The following ACOXL variants were observed in gnomAD, a reference collection of about 807,000 sequenced individuals.
ACOXL encodes acyl-coenzyme A oxidase-like protein.
Under a neutral mutation model 71.9 loss-of-function variants are expected in ACOXL, and 70 were observed. The observed-to-expected ratio is 0.97, with a 90% CI of 0.80 to 1.19. ACOXL has a LOEUF of 1.19. Among genes scored for constraint, ACOXL ranks in the 50% most tolerant of loss-of-function variants. The probability of loss-of-function intolerance (pLI) is 0.00; values close to 1 mark genes in which losing one functional copy is unlikely to be tolerated. For synonymous variants in ACOXL, 253 were observed against 281.6 expected (o/e 0.90, Z 1.02); for missense variants, 703 against 736.3 (o/e 0.95, Z 0.52).
At chr2:110,823,737 T>C (rs1688880017) in intron 9 of ACOXL, among the ~76,000 whole-genome samples, 1 of 152,262 alleles carries the variant, frequency 6.6e-6, no homozygotes, top group Non-Finnish European at 1.5e-5. Context: ...CATCATTTCA[T>C]GTGCATGTTT....
At chr2:110,814,829 CAG>C (rs1179470650) in intron 9 of ACOXL, among the ~76,000 whole-genome samples, 1 of 152,172 alleles carries the variant, frequency 6.6e-6, no homozygotes, top group Non-Finnish European at 1.5e-5. Context: ...ATAAATTACT[CAG>C]AATTGTATCA....
intron 10 of ACOXL, among the ~76,000 whole-genome samples, chr2:110,864,719 G>A (rs971192587): frequency 6.6e-6 from 1 of 152,176 alleles, no homozygotes; most frequent in African/African-American, 2.4e-5. Context: ...GTGTTTTTGG[G>A]GCTCTGTCGA....
intron 9 of ACOXL, among the ~76,000 whole-genome samples, chr2:110,818,393 CAAA>C (rs11314019): frequency 1.9e-5 from 1 of 52,342 alleles, no homozygotes; most frequent in Admixed American, 2.6e-4. Context: ...GACTCTGTCT[CAAA>C]AAAAAAAAAA....
At position 111,014,888 on chromosome 2, in the gene ACOXL, G is replaced by A. The variant is rs2064354029; in HGVS notation, c.1282-16739G>A. ...CAATGATGAAAAGAATTTTTTAATA[G>A]TGCAGGAAACATCTAGATATCTGAA... On this transcript the variant is annotated intron_variant, in intron 14 of 17. Transcript: ENST00000439055. Among the ~76,000 whole-genome samples, 2 of 152,286 alleles carry A rather than the reference G, an allele frequency of 1.3e-5. 1 individual carries two copies. Among genetic ancestry groups the A allele is most frequent in the Admixed American group, 1.3e-4 (2 of 15,292 alleles).
At chr2:111,070,906 C>T (rs761933248) in intron 16 of ACOXL, among the ~76,000 whole-genome samples, 6 of 152,078 alleles carry the variant, frequency 3.9e-5, no homozygotes, top group Non-Finnish European at 8.8e-5. Context: ...CATGGCCCAC[C>T]GTTGCCTAAC....
chr2:110,792,476 A>G (rs1397596487), intron 3 of ACOXL, among the ~76,000 whole-genome samples: 1 of 151,956 alleles, frequency 6.6e-6, no homozygotes, highest in Non-Finnish European at 1.5e-5. Context: ...TTTGTCAGCA[A>G]CACTTTTCCA....
intron 13 of ACOXL, among the ~76,000 whole-genome samples, chr2:110,992,656 G>A (rs1372780039): frequency 2.6e-5 from 4 of 152,210 alleles, no homozygotes; most frequent in Non-Finnish European, 5.9e-5. Flanking sequence ...GATGGAGCAT[G>A]GCAGGGAGAG....
intron 3 of ACOXL, among the ~76,000 whole-genome samples, chr2:110,791,306 G>A (rs1359751799): frequency 2.0e-5 from 3 of 152,190 alleles, no homozygotes; most frequent in African/African-American, 7.2e-5. Flanking sequence ...TAGTGAATGG[G>A]GGCTTTCAAA....
chr2:110,807,471 G>A (rs765088466), intron 9 of ACOXL, among the ~76,000 whole-genome samples: 10 of 152,332 alleles, frequency 6.6e-5, no homozygotes, highest in Admixed American at 2.6e-4. Flanking sequence ...CAAATGCTGG[G>A]TACCCTCGCC....
At chr2:111,007,512 C>T (rs973573283) in intron 14 of ACOXL, among the ~76,000 whole-genome samples, 3 of 152,138 alleles carry the variant, frequency 2.0e-5, no homozygotes, top group Non-Finnish European at 4.4e-5. Context: ...TATTTATTTT[C>T]TTGCCAATTG....
chr2:111,025,115 T>C (rs896793034), intron 14 of ACOXL, among the ~76,000 whole-genome samples: 1 of 152,100 alleles, frequency 6.6e-6, no homozygotes, highest in African/African-American at 2.4e-5. Context: ...TTTCTTTCAT[T>C]GTAAATTTGC....
Position 110,984,142 on chromosome 2 carries a change from G to A in ACOXL, c.1060-2966G>A, listed in dbSNP as rs1043183923. ...ATTACAGGCGTGCACCACTGCGCCT[G>A]GCCAAGAGATCACTTTTTAGGGGAA... On this transcript the variant is annotated intron_variant, in intron 12 of 17. Transcript: ENST00000439055. 2.0e-5 allele frequency among the ~76,000 whole-genome samples: 3 copies of A among 152,114 alleles called. No individual in the cohort carries two copies. The East Asian group carries it at 5.8e-4, about 29-fold the overall frequency.
At chr2:110,880,486 T>A (rs6542190) in intron 10 of ACOXL, among the ~76,000 whole-genome samples, 2 of 152,218 alleles carry the variant, frequency 1.3e-5, no homozygotes, top group East Asian at 3.9e-4. Flanking sequence ...TGACACACAC[T>A]TCTGTTTTTA....
At chr2:111,065,549 G>C (rs143779540) in intron 16 of ACOXL, among the ~76,000 whole-genome samples, 47 of 152,310 alleles carry the variant, frequency 3.1e-4, no homozygotes, top group African/African-American at 1.0e-3. Context: ...CATTTGTTCT[G>C]TGAAAGACTA....
chr2:110,993,340 C>T lies in ACOXL; in HGVS notation c.1170-2553C>T, dbSNP rs532713680. Among the ~76,000 whole-genome samples, 5 of 152,338 alleles carry T rather than the reference C, an allele frequency of 3.3e-5. No individual in the cohort carries two copies. In the South Asian group the frequency reaches 1.0e-3, roughly 32 times the overall value. ...CAGCCACTCTTCTGATATTTTCCCA[C>T]CACAGATTAGTTTTTCTATACTAGA... On this transcript the variant is annotated intron_variant, in intron 13 of 17. Coordinates refer to ENST00000439055, the MANE Select transcript of ACOXL (RefSeq NM_001142807.4).
chr2:110,765,119 C>T (rs1182935122), intron 1 of ACOXL, among the ~76,000 whole-genome samples: 1 of 152,176 alleles, frequency 6.6e-6, no homozygotes, highest in Non-Finnish European at 1.5e-5. Context: ...TGTTTCTGGC[C>T]TCTGTAGTTT....
chr2:110,972,165 G>C (rs142258460), intron 12 of ACOXL, among the ~76,000 whole-genome samples: 1 of 152,190 alleles, frequency 6.6e-6, no homozygotes, highest in Admixed American at 6.5e-5. Context: ...CAGCAGGAAC[G>C]TGCAGGGATG....
chr2:110,858,990 C>T, intron 10 of ACOXL, among the ~76,000 whole-genome samples: 1 of 152,310 alleles, frequency 6.6e-6, no homozygotes, highest in African/African-American at 2.4e-5. Context: ...ATAAAATTCG[C>T]CACTCATCTA....
chr2:110,841,326 A>C lies in ACOXL; in HGVS notation c.754-45A>C, dbSNP rs375027639. 5 of 1,472,360 alleles carry C rather than the reference A, an allele frequency of 3.4e-6. No homozygotes were observed. In the African/African-American group the frequency reaches 6.9e-5, roughly 20 times the overall value. 91.2% of individuals were successfully genotyped at this position (1,472,360 alleles called of 1,614,324 possible). A position where few individuals can be genotyped will look rare whatever the true frequency, so the allele number is the denominator to read the frequency against. ...TAATTTTCTTGTGTGAATTCTGCAT[A>C]CTCTTGATATTACTTAATTTGTTTT... On this transcript the variant is annotated intron_variant, in intron 9 of 17. Transcript: ENST00000439055.
Sources: allele counts gnomAD v4.1 joint callset (sites outside exome capture counted in the v4.1 genomes callset), GRCh38; gene constraint gnomAD v4.1.1; transcripts MANE v1.5; gene names NCBI Gene and HGNC (gene_info 2026-07-23, HGNC 2026-07-21).